Variants in MBNL3 observed in about 807,000 individuals in gnomAD.
MBNL3 encodes muscleblind like splicing regulator 3.
Under a neutral mutation model 24.5 loss-of-function variants are expected in MBNL3, and 6 were observed. That is an observed-to-expected ratio of 0.25 (90% confidence interval 0.13 to 0.48). The LOEUF is 0.48. Among genes scored for constraint, MBNL3 ranks in the 20% least tolerant of loss-of-function variants. MBNL3 has a pLI of 0.99. For missense variants in MBNL3, 230 were observed against 293.5 expected, an observed-to-expected ratio of 0.78 and a Z score of 1.58; for synonymous variants, 100 against 101.7, an observed-to-expected ratio of 0.98 and a Z score of 0.10.
At chrX:132,401,202 T>C (rs1940856046) in intron 3 of MBNL3, among the ~76,000 whole-genome samples, 1 of 112,178 alleles carries the variant, frequency 8.9e-6, no homozygotes, top group Non-Finnish European at 1.9e-5. Flanking sequence ...ACTACTCTTT[T>C]TTATAGCATA....
At chrX:132,384,761 A>T (rs1156561431) in intron 6 of MBNL3, 63 bp from the exon 7 acceptor site, 5 of 895,344 alleles carry the variant, frequency 5.6e-6, no homozygotes, top group Non-Finnish European at 7.6e-6. Context: ...GGATTTACTG[A>T]TAGAAATACA....
intron 2 of MBNL3, among the ~76,000 whole-genome samples, chrX:132,435,000 C>T (rs747836071): frequency 9.0e-6 from 1 of 111,368 alleles, no homozygotes; most frequent in African/African-American, 3.3e-5. Flanking sequence ...CAGGAGTTTC[C>T]TGTATCACTT....
chrX:132,453,558 A>G (rs1287823743), intron 1 of MBNL3, among the ~76,000 whole-genome samples: 1 of 111,905 alleles, frequency 8.9e-6, no homozygotes, highest in Non-Finnish European at 1.9e-5. Flanking sequence ...TTAAGGACAC[A>G]TAGCAGCATT....
intron 3 of MBNL3, among the ~76,000 whole-genome samples, chrX:132,396,416 C>CTA (rs61024710): frequency 1.5e-4 from 10 of 67,541 alleles, no homozygotes; most frequent in Non-Finnish European, 2.6e-4. Flanking sequence ...ATATATATTC[C>CTA]TATATATATA....
At chrX:132,379,871 C>T (rs1362324685) in intron 8 of MBNL3, among the ~76,000 whole-genome samples, 194 bp from the exon 9 acceptor site, 3 of 111,553 alleles carry the variant, frequency 2.7e-5, no homozygotes, top group Non-Finnish European at 5.7e-5. Context: ...CTATGATAGT[C>T]TATGATACCC....
chrX:132,402,924 T>C (rs1941180977), intron 3 of MBNL3, among the ~76,000 whole-genome samples: 1 of 111,977 alleles, frequency 8.9e-6, no homozygotes, highest in Non-Finnish European at 1.9e-5. Context: ...TAGAAACAGA[T>C]CAAAGTATTC....
chrX:132,484,259 T>C (rs1208317890), intron 1 of MBNL3, among the ~76,000 whole-genome samples: 1 of 112,096 alleles, frequency 8.9e-6, no homozygotes, highest in Non-Finnish European at 1.9e-5. Context: ...GGTGTTGATT[T>C]TTCTTTTGTC....
intron 2 of MBNL3, among the ~76,000 whole-genome samples, chrX:132,414,503 C>T (rs1943113831): frequency 8.9e-6 from 1 of 111,836 alleles, no homozygotes; most frequent in Admixed American, 9.4e-5. Context: ...GCTGGGTTCA[C>T]TGGTCAATCG....
chrX:132,383,877 G>A (rs973406943), intron 7 of MBNL3, among the ~76,000 whole-genome samples: 1 of 111,575 alleles, frequency 9.0e-6, no homozygotes, highest in African/African-American at 3.3e-5. Flanking sequence ...AGAGTGGGAC[G>A]GGTTGGGATC....
Position 132,371,982 on chromosome X carries a change from T to C in MBNL3, c.*7684A>G, listed in dbSNP as rs749615345. On this transcript the variant is annotated 3_prime_UTR_variant, in exon 9 of 9. Transcript: ENST00000370853. ...GAACTCCTAATGTGTGAATATGGAT[T>C]CATAAAAAAAGACATAACCAAGAAG... 3 of 111,146 alleles carry C rather than the reference T, an allele frequency of 2.7e-5. No homozygotes were observed. In the South Asian group the frequency reaches 1.1e-3, roughly 42 times the overall value. The allele number at this position is 111,146 out of a possible 1,213,427, so 9.2% of individuals were successfully genotyped here.
rs1281165556 is a variant in MBNL3 at position 132,369,385 on chromosome X, A to G, written c.*10281T>C. 5 of 112,257 alleles carry G rather than the reference A, an allele frequency of 4.5e-5. No individual in the cohort carries two copies. The East Asian group carries it at 1.1e-3, about 25-fold the overall frequency. 9.3% of individuals were successfully genotyped at this position (112,257 alleles called of 1,213,427 possible). A position where few individuals can be genotyped will look rare whatever the true frequency, so the allele number is the denominator to read the frequency against. On this transcript the variant is annotated 3_prime_UTR_variant, in exon 9 of 9. Transcript: ENST00000370853. ...AAAGGCACATCAATAACCACTTACT[A>G]TATATACAGAAATATATATAATTAA...
intron 3 of MBNL3, among the ~76,000 whole-genome samples, chrX:132,393,137 C>T (rs146292375): frequency 7.2e-5 from 8 of 110,678 alleles, no homozygotes; most frequent in African/African-American, 2.6e-4. Context: ...GTCACAAACA[C>T]TCTAATTATA....
chrX:132,434,318 C>T (rs1944981927), intron 2 of MBNL3, among the ~76,000 whole-genome samples: 1 of 112,353 alleles, frequency 8.9e-6, no homozygotes, highest in Non-Finnish European at 1.9e-5. Context: ...TGCTCTCTTT[C>T]TTAATTGACT....
At chrX:132,447,163 A>T (rs1945771097) in intron 1 of MBNL3, among the ~76,000 whole-genome samples, 2 of 111,569 alleles carry the variant, frequency 1.8e-5, no homozygotes, top group East Asian at 5.6e-4. Flanking sequence ...GTAACCTTGT[A>T]GTATAGTTTG....
intron 3 of MBNL3, among the ~76,000 whole-genome samples, chrX:132,396,347 T>TATATATTC (rs1556294194): frequency 0.01 from 465 of 44,561 alleles, 13 homozygotes; most frequent in African/African-American, 0.09. Context: ...TATATATTCA[T>TATATATTC]ATATATATAT....
intron 1 of MBNL3, among the ~76,000 whole-genome samples, chrX:132,450,129 G>A (rs190646140): frequency 8.7e-4 from 96 of 110,371 alleles, no homozygotes; most frequent in African/African-American, 3.0e-3. Context: ...AGAATCTGAC[G>A]GTTATTTGTG....
intron 2 of MBNL3, chrX:132,432,112 A>G (rs1397252145): frequency 1.8e-5 from 2 of 111,731 alleles, no homozygotes; most frequent in East Asian, 5.5e-4. Context: ...GCAAGGAGGA[A>G]AACAGTATGC....
In MBNL3 at chrX:132,406,378, T is replaced by A. The variant is rs1941827439; in HGVS notation, c.192A>T (p.Arg64=). The change falls in exon 3 of 9, where the codon CGA becomes CGT. Residue 64 remains arginine, a synonymous_variant. Coordinates refer to ENST00000370853, the MANE Select transcript of MBNL3 (RefSeq NM_001386889.1). ...CFDSLKGRCT[R]ENCKYLHPPP... is the part of the protein sequence containing the mutation. ...GAGGGTGAAGGTACTTGCAGTTCTCTCGGGTACACCGACCCTGACAATGAA... is the reference window on the plus strand; with the variant it reads ...GAGGGTGAAGGTACTTGCAGTTCTCACGGGTACACCGACCCTGACAATGAA... 7 of 1,196,803 alleles carry A rather than the reference T, an allele frequency of 5.8e-6. No homozygotes were observed. The highest frequency in any genetic ancestry group is 7.9e-6 in the Non-Finnish European group (7 of 886,774).
intron 3 of MBNL3, 38 bp downstream of exon 3, chrX:132,406,190 T>A: frequency 1.7e-6 from 2 of 1,205,654 alleles, no homozygotes; most frequent in African/African-American, 1.7e-5. Flanking sequence ...CCACTGTTGA[T>A]CTTTATCGGC....
Sources: allele counts gnomAD v4.1 joint callset (sites outside exome capture counted in the v4.1 genomes callset), GRCh38; gene constraint gnomAD v4.1.1; transcripts MANE v1.5; gene names NCBI Gene and HGNC (gene_info 2026-07-23, HGNC 2026-07-21).